Variants in COL4A3 observed in about 807,000 individuals in gnomAD.
The protein encoded by COL4A3 is collagen type IV alpha 3 chain.
COL4A3 carries 135 observed loss-of-function variants against 217.4 expected under a neutral mutation model. The ratio of observed to expected loss-of-function variants is 0.62; its 90% CI spans 0.54 to 0.72. The LOEUF (loss-of-function observed/expected upper bound fraction) is 0.72, where lower values mean the gene tolerates loss of function less well. Among genes scored for constraint, COL4A3 ranks in the 30% least tolerant of loss-of-function variants. The pLI, the probability that COL4A3 is intolerant of heterozygous loss-of-function variation, is 0.00. For synonymous variants in COL4A3, 690 were observed against 736.3 expected (o/e 0.94, Z 1.02); for missense variants, 1,868 against 2,119.9 (o/e 0.88, Z 2.33).
intron 1 of COL4A3, among the ~76,000 whole-genome samples, chr2:227,169,742 G>GT (rs1559790348): frequency 6.6e-6 from 1 of 151,984 alleles, no homozygotes. Context: ...GGGGTTGTTT[G>GT]TTTTTTTCTT....
intron 1 of COL4A3, among the ~76,000 whole-genome samples, chr2:227,223,683 G>A (rs978772886): frequency 5.3e-5 from 8 of 152,186 alleles, no homozygotes; most frequent in Non-Finnish European, 1.5e-5. Context: ...CCAGTGAGCC[G>A]AGATCATGCC....
At chr2:227,289,364 T>G in intron 35 of COL4A3, 116 bp downstream of exon 35, 1 of 906,660 alleles carries the variant, frequency 1.1e-6, no homozygotes, top group Non-Finnish European at 1.8e-6. Flanking sequence ...CTGATAGTGT[T>G]CCAGCAGAAA....
In COL4A3 at chr2:227,282,354, T is replaced by C. The variant is rs780238103; in HGVS notation, c.2489-11T>C. ...GTGGGTTAATTAATTCATTCATTTA[T>C]TCGTACACAGGCAGAAGAGGTAAAA... On this transcript the variant is annotated splice_polypyrimidine_tract_variant and intron_variant, in intron 31 of 51. Transcript: ENST00000396578. The surrounding 1 kb of genome is among the most constrained non-coding windows in gnomAD (Gnocchi z 4.4). The C allele has an allele frequency of 6.2e-7, 1 of 1,609,216 alleles. No homozygotes were observed. Among genetic ancestry groups the C allele is most frequent in the Non-Finnish European group, 8.5e-7 (1 of 1,177,392 alleles).
In COL4A3 at chr2:227,303,876, G is replaced by A. The variant is rs368351146; in HGVS notation, c.3973G>A (p.Gly1325Arg). 6.2e-7 allele frequency: 1 copy of A among 1,613,920 alleles called. No homozygotes were observed. Among genetic ancestry groups the A allele is most frequent in the African/African-American group, 1.3e-5 (1 of 74,924 alleles). ...PGVKGEKGNP[G>R]FLGSIGPPGP... ...GTTTTTAGGAGAAAAGGGTAATCCT[G>A]GATTTCTAGGATCCATTGGACCTCC... is the stretch of plus-strand genomic sequence containing the variant. Residue 1325 changes from glycine (G) to arginine (R), a missense_variant, in exon 45 of 52, where the codon GGA becomes AGA. Coordinates refer to ENST00000396578, the MANE Select transcript of COL4A3 (RefSeq NM_000091.5).
intron 1 of COL4A3, among the ~76,000 whole-genome samples, chr2:227,215,087 C>T (rs1340368307): frequency 6.6e-6 from 1 of 151,918 alleles, no homozygotes; most frequent in Non-Finnish European, 1.5e-5. Flanking sequence ...AAAACTTAGA[C>T]TTTTCTAGCA....
intron 43 of COL4A3, among the ~76,000 whole-genome samples, chr2:227,299,352 G>A (rs1338753243): frequency 1.3e-5 from 2 of 152,214 alleles, no homozygotes; most frequent in African/African-American, 2.4e-5. Flanking sequence ...CCGAGATAGC[G>A]CCACTGCACT....
At chr2:227,280,703 C>G (rs2071900581) in intron 30 of COL4A3, 113 bp downstream of exon 30, 1 of 1,299,386 alleles carries the variant, frequency 7.7e-7, no homozygotes, top group East Asian at 2.3e-5. Context: ...TGTTCCTGCC[C>G]TACCTTTCTT....
intron 40 of COL4A3, 56 bp from the exon 41 acceptor site, chr2:227,295,213 A>G (rs1342512627): frequency 8.2e-6 from 13 of 1,576,000 alleles, no homozygotes; most frequent in Non-Finnish European, 1.0e-5. Flanking sequence ...TTTCTCATAG[A>G]CATATAATGT....
intron 19 of COL4A3, 162 bp downstream of exon 19, chr2:227,260,039 A>G: frequency 1.3e-6 from 1 of 758,778 alleles, no homozygotes; most frequent in Non-Finnish European, 2.4e-6. Context: ...CCTGCTCTTC[A>G]TATTTTTATT....
In COL4A3 at chr2:227,311,352, T is replaced by C. The variant is rs564059092; in HGVS notation, c.4928+404T>C. Among the ~76,000 whole-genome samples, 12 of 150,660 alleles carry C rather than the reference T, an allele frequency of 8.0e-5. No individual in the cohort carries two copies. In the South Asian group the frequency reaches 2.1e-3, roughly 26 times the overall value. ...AATATACTTCTTCCATAAAGAGAAA[T>C]AGTCCATTAATATAATAAATTTCTC... On this transcript the variant is annotated intron_variant, in intron 51 of 51. Coordinates refer to ENST00000396578, the MANE Select transcript of COL4A3 (RefSeq NM_000091.5).
intron 25 of COL4A3, 87 bp from the exon 26 acceptor site, chr2:227,272,862 A>G: frequency 7.5e-7 from 1 of 1,336,696 alleles, no homozygotes; most frequent in Non-Finnish European, 1.1e-6. Flanking sequence ...TGACAGCCTA[A>G]CTGGTATTCA....
intron 1 of COL4A3, among the ~76,000 whole-genome samples, chr2:227,175,296 AC>A (rs771894706): frequency 2.0e-5 from 3 of 152,050 alleles, no homozygotes; most frequent in Non-Finnish European, 2.9e-5. Flanking sequence ...AAATGGTGAC[AC>A]CCCATCTCTA....
At chr2:227,171,737 G>A (rs777427126) in intron 1 of COL4A3, among the ~76,000 whole-genome samples, 10 of 152,184 alleles carry the variant, frequency 6.6e-5, no homozygotes, top group Non-Finnish European at 1.3e-4. Context: ...CAACTGAGGG[G>A]CAGAAGGCTG....
rs1329549008 is a variant in COL4A3 at position 227,290,000 on chromosome 2, C to G, written c.2982C>G (p.Gly994=). 6.2e-7 allele frequency: 1 copy of G among 1,613,812 alleles called. No individual in the cohort carries two copies. The highest frequency in any genetic ancestry group is 1.1e-5 in the South Asian group (1 of 91,060). ...AATAACTACTTATTTGTTCTCAAGG[C>G]CCCAGAGGAGATTTGGGCAGCACTG... The part of the protein sequence containing the change: ...KGLPGPAGPP[G]PRGDLGSTGN... Residue 994 remains glycine, a splice_region_variant and synonymous_variant, in exon 36 of 52, where the codon GGC becomes GGG. Coordinates refer to ENST00000396578, the MANE Select transcript of COL4A3 (RefSeq NM_000091.5).
rs548013026 is a variant in COL4A3, at chr2:227,265,797, A to C, written c.1316-620A>C. The C allele has an allele frequency of 4.5e-5, 7 of 153,952 alleles. No homozygotes were observed. The East Asian group carries it at 1.2e-3, about 25-fold the overall frequency. 9.5% of individuals were successfully genotyped at this position (153,952 alleles called of 1,614,324 possible). A position where few individuals can be genotyped will look rare whatever the true frequency, so the allele number is the denominator to read the frequency against. On this transcript the variant is annotated intron_variant, in intron 21 of 51. Transcript: ENST00000396578. ...CCATTCTCATGCTGCTAATAAAGGCATATCCGAGACTGGGTAATTTAAAGA... is the reference window on the plus strand; with the variant it reads ...CCATTCTCATGCTGCTAATAAAGGCCTATCCGAGACTGGGTAATTTAAAGA...
At chr2:227,233,043 T>C (rs1027940320) in intron 1 of COL4A3, among the ~76,000 whole-genome samples, 1 of 152,210 alleles carries the variant, frequency 6.6e-6, no homozygotes. Flanking sequence ...AGACAGAGTC[T>C]AGCTCTGTCA....
Position 227,293,171 on chromosome 2 carries a change from G to A in COL4A3, c.3211-20G>A. ...ATCCTGCTTATATGAGAATTTTAAA[G>A]GTATTTGACTACATTTAAGGGGGAT... is the stretch of plus-strand genomic sequence containing the variant. On this transcript the variant is annotated intron_variant, in intron 37 of 51. Transcript: ENST00000396578. 6.2e-7 allele frequency: 1 copy of A among 1,613,558 alleles called. No homozygotes were observed. The highest frequency in any genetic ancestry group is 8.5e-7 in the Non-Finnish European group (1 of 1,179,942).
At position 227,202,918 on chromosome 2, in the gene COL4A3, T is replaced by C. The variant is rs1161227648; in HGVS notation, c.88-35050T>C. ...ATGTGTATATATGTGTATATATACA[T>C]ATATGTGTATATATGTGTATATATG... On this transcript the variant is annotated intron_variant, in intron 1 of 51. Coordinates refer to ENST00000396578, the MANE Select transcript of COL4A3 (RefSeq NM_000091.5). Among the ~76,000 whole-genome samples the C allele has an allele frequency of 2.6e-3, 59 of 23,130 alleles. 1 individual carries two copies. The highest frequency in any genetic ancestry group is 0.012 in the African/African-American group (43 of 3,680). 15.2% of individuals were successfully genotyped at this position (23,130 alleles called of 152,430 possible). A position where few individuals can be genotyped will look rare whatever the true frequency, so the allele number is the denominator to read the frequency against.
At chr2:227,271,461 A>ATTTT (rs397988092) in intron 25 of COL4A3, among the ~76,000 whole-genome samples, 13 of 104,704 alleles carry the variant, frequency 1.2e-4, no homozygotes, top group East Asian at 2.7e-4. Flanking sequence ...ACCTACCAAG[A>ATTTT]TTTTTTTTTT....
Sources: allele counts gnomAD v4.1 joint callset (sites outside exome capture counted in the v4.1 genomes callset), GRCh38; gene constraint gnomAD v4.1.1; non-coding constraint Gnocchi (gnomAD v3.1); transcripts MANE v1.5; gene names NCBI Gene and HGNC (gene_info 2026-07-23, HGNC 2026-07-21).